The following NFIA variants were observed in gnomAD, a reference collection of about 807,000 sequenced individuals.
NFIA encodes the protein nuclear factor I A, also known as nuclear factor 1 A-type.
Under a neutral mutation model 62.8 loss-of-function variants are expected in NFIA, and 8 were observed. That is an observed-to-expected ratio of 0.13 (90% CI 0.07 to 0.23). The LOEUF (loss-of-function observed/expected upper bound fraction) is 0.23. Among genes scored for constraint, NFIA ranks in the 10% least tolerant of loss-of-function variants. The pLI, the probability that NFIA is intolerant of heterozygous loss-of-function variation, is 1.00. For synonymous variants in NFIA, 235 were observed against 238.1 expected (o/e 0.99, Z 0.12); for missense variants, 410 against 642.1 (o/e 0.64, Z 3.91).
chr1:61,387,482 T>TTGTTTG lies in NFIA; in HGVS notation c.1075+4118_1075+4119insGTTTGT, dbSNP rs746730549. Reference sequence around the variant, plus strand: ...TCAAGCACTTTCTTTTTTTTTTTTTTTTTTTTTTTGAGACGGAGTCTCGTC... The same window carrying TTGTTTG: ...TCAAGCACTTTCTTTTTTTTTTTTTTTGTTTGTTTTTTTTTGAGACGGAGTCTCGTC... On this transcript the variant is annotated intron_variant, in intron 7 of 10. Transcript: ENST00000403491. Among the ~76,000 whole-genome samples, 525 of 112,076 alleles carry TTGTTTG rather than the reference T, an allele frequency of 4.7e-3. 3 individuals are homozygous for TTGTTTG. Among genetic ancestry groups the TTGTTTG allele is most frequent in the Non-Finnish European group, 5.9e-3 (305 of 51,500 alleles). 73.5% of individuals were successfully genotyped at this position (112,076 alleles called of 152,430 possible). A position where few individuals can be genotyped will look rare whatever the true frequency, so the allele number is the denominator to read the frequency against.
At chr1:61,317,219 A>G (rs1371132555) in intron 3 of NFIA, among the ~76,000 whole-genome samples, 1 of 152,144 alleles carries the variant, frequency 6.6e-6, no homozygotes, top group Non-Finnish European at 1.5e-5. Context: ...CTTTCTCTAT[A>G]TACTTCTGTA....
At chr1:61,350,892 C>A (rs1170683282) in intron 4 of NFIA, among the ~76,000 whole-genome samples, 4 of 152,122 alleles carry the variant, frequency 2.6e-5, no homozygotes, top group African/African-American at 7.2e-5. Flanking sequence ...ACTTCTTATC[C>A]CCAGGTTGGG....
At chr1:61,225,625 A>G (rs193123071) in intron 2 of NFIA, among the ~76,000 whole-genome samples, 61 of 149,634 alleles carry the variant, frequency 4.1e-4, no homozygotes, top group African/African-American at 1.4e-3. Context: ...TTGTATCACC[A>G]AAAGGAAGTT....
At chr1:61,118,700 G>A (rs1341577750) in intron 2 of NFIA, among the ~76,000 whole-genome samples, 2 of 137,756 alleles carry the variant, frequency 1.5e-5, no homozygotes, top group Non-Finnish European at 3.2e-5. Context: ...GTGTGTGTGT[G>A]TGTGTGTGTA....
chr1:61,117,321 A>G (rs925935021), intron 2 of NFIA, among the ~76,000 whole-genome samples: 1 of 152,160 alleles, frequency 6.6e-6, no homozygotes, highest in Non-Finnish European at 1.5e-5. Context: ...ATCCCTCCAT[A>G]GTGATGGAAG....
intron 6 of NFIA, among the ~76,000 whole-genome samples, chr1:61,380,645 T>C (rs749007886): frequency 4.6e-5 from 7 of 152,156 alleles, no homozygotes; most frequent in Non-Finnish European, 1.0e-4. Flanking sequence ...GAGAAAATAT[T>C]AAAGTATATA....
chr1:61,308,595 GC>G (rs1259857336), intron 3 of NFIA, among the ~76,000 whole-genome samples: 2 of 152,160 alleles, frequency 1.3e-5, no homozygotes, highest in Admixed American at 6.5e-5. Flanking sequence ...TGAGGATGGT[GC>G]CCCTGTGGGA....
chr1:61,309,096 C>T lies in NFIA; in HGVS notation c.626-23416C>T, dbSNP rs561818711. Among the ~76,000 whole-genome samples the T allele has an allele frequency of 1.5e-3, 228 of 152,202 alleles. 2 individuals are homozygous for T. The highest frequency in any genetic ancestry group is 5.4e-3 in the African/African-American group (223 of 41,534). On this transcript the variant is annotated intron_variant, in intron 3 of 10. Coordinates refer to ENST00000403491, the MANE Select transcript of NFIA (RefSeq NM_001134673.4). ...TCTGTGAATACTCTATAGAGTTTTCCCCAGCTTCCTCCTTTCCTCCAATTT... is the reference window on the plus strand; with the variant it reads ...TCTGTGAATACTCTATAGAGTTTTCTCCAGCTTCCTCCTTTCCTCCAATTT...
chr1:61,079,722 C>T (rs1474100396), upstream of NFIA, among the ~76,000 whole-genome samples: 2 of 152,194 alleles, frequency 1.3e-5, no homozygotes, highest in African/African-American at 2.4e-5. Flanking sequence ...TTTCTTTCTT[C>T]CCTCCTCCTC....
intron 8 of NFIA, among the ~76,000 whole-genome samples, chr1:61,406,158 A>G (rs1374213884): frequency 6.6e-6 from 1 of 152,224 alleles, no homozygotes. Context: ...ACACTTAGAT[A>G]TTAAATATTT....
In NFIA at chr1:61,383,358, A is replaced by G; in HGVS notation, c.1068A>G (p.Gly356=). 6.2e-7 allele frequency: 1 copy of G among 1,613,864 alleles called. No homozygotes were observed. Among genetic ancestry groups the G allele is most frequent in the South Asian group, 1.1e-5 (1 of 91,062 alleles). Residue 356 remains glycine, a synonymous_variant, in exon 7 of 11, where the codon GGA becomes GGG. Coordinates refer to ENST00000403491, the MANE Select transcript of NFIA (RefSeq NM_001134673.4). ...FTQHHRPVIT[G]PRASPHATPS... ...AGCATCACCGACCTGTCATTACAGG[A>G]CCCAGAGGTGAGCTGCTCCACAGGC... is the stretch of plus-strand genomic sequence containing the variant.
At chr1:61,371,689 AT>A (rs1663894577) in intron 6 of NFIA, among the ~76,000 whole-genome samples, 1 of 152,130 alleles carries the variant, frequency 6.6e-6, no homozygotes, top group Non-Finnish European at 1.5e-5. Flanking sequence ...CAATACCCTT[AT>A]TTGGTTGTCT....
chr1:61,090,757 T>C (rs1646306042), intron 2 of NFIA, among the ~76,000 whole-genome samples: 1 of 152,204 alleles, frequency 6.6e-6, no homozygotes, highest in African/African-American at 2.4e-5. Context: ...TATGCCTGAA[T>C]GCCAGCCAAA....
intron 7 of NFIA, among the ~76,000 whole-genome samples, chr1:61,402,855 A>G (rs1457801224): frequency 6.6e-6 from 1 of 152,208 alleles, no homozygotes. Flanking sequence ...ACCCCATAGC[A>G]TGAGCCATTT....
At chr1:61,322,038 A>T (rs749637231) in intron 3 of NFIA, among the ~76,000 whole-genome samples, 1 of 152,228 alleles carries the variant, frequency 6.6e-6, no homozygotes, top group Non-Finnish European at 1.5e-5. Context: ...TTAAAATGGG[A>T]TAAAATTCAT....
intron 8 of NFIA, among the ~76,000 whole-genome samples, chr1:61,405,421 A>G (rs1389333329): frequency 2.0e-5 from 3 of 152,228 alleles, no homozygotes; most frequent in Non-Finnish European, 4.4e-5. Flanking sequence ...GAGGAGCAAT[A>G]CTAAATATAT....
At chr1:61,144,901 G>A (rs1045607060) in intron 2 of NFIA, among the ~76,000 whole-genome samples, 2 of 130,706 alleles carry the variant, frequency 1.5e-5, no homozygotes, top group African/African-American at 5.7e-5. Context: ...AAGAATAATG[G>A]GACTCAGCAT....
intron 3 of NFIA, among the ~76,000 whole-genome samples, chr1:61,291,585 T>C (rs2806427): frequency 0.81 from 123,755 of 152,178 alleles, 50,447 homozygotes; most frequent in East Asian, 0.91. Flanking sequence ...AACTGAGGCT[T>C]GGAAGTTGAG....
chr1:61,246,634 G>A (rs1450556268), intron 2 of NFIA, among the ~76,000 whole-genome samples: 1 of 152,050 alleles, frequency 6.6e-6, no homozygotes, highest in Non-Finnish European at 1.5e-5. Context: ...AACTATCTTT[G>A]CGTTATTGTC....
Sources: gnomAD v4.1 joint callset for allele counts (sites outside exome capture counted in the v4.1 genomes callset) on GRCh38, gnomAD v4.1.1 for gene constraint, MANE v1.5 for transcripts, NCBI Gene and HGNC (gene_info 2026-07-23, HGNC 2026-07-21) for gene names.